The following SUCLG2 variants were observed in gnomAD, a reference collection of about 807,000 sequenced individuals.
SUCLG2 encodes the protein succinate-CoA ligase GDP-forming subunit beta, also known as succinate--CoA ligase [GDP-forming] subunit beta, mitochondrial.
Under a neutral mutation model 47.9 loss-of-function variants are expected in SUCLG2, and 42 were observed. That is an observed-to-expected ratio of 0.88 (90% CI 0.69 to 1.14). The LOEUF is 1.14. SUCLG2 is among the 50% of genes most tolerant of loss of function. The pLI is 0.00. For synonymous variants in SUCLG2, 195 were observed against 197.3 expected, an observed-to-expected ratio of 0.99 and a Z score of 0.10; for missense variants, 571 against 525.9, an observed-to-expected ratio of 1.09 and a Z score of -0.84.
chr3:67,519,429 CTTTA>C (rs1024962506), intron 5 of SUCLG2, among the ~76,000 whole-genome samples: 29 of 152,106 alleles, frequency 1.9e-4, no homozygotes, highest in African/African-American at 6.8e-4. Context: ...GTGTGCTGGT[CTTTA>C]TTTAGGAGTT....
At chr3:67,446,391 C>T (rs1248533287) in intron 9 of SUCLG2, among the ~76,000 whole-genome samples, 1 of 142,866 alleles carries the variant, frequency 7.0e-6, no homozygotes, top group Non-Finnish European at 1.5e-5. Flanking sequence ...TAGATCTCTC[C>T]GGTATCTAAA....
At chr3:67,456,417 C>G (rs994410511) in intron 9 of SUCLG2, among the ~76,000 whole-genome samples, 2 of 152,174 alleles carry the variant, frequency 1.3e-5, no homozygotes, top group African/African-American at 4.8e-5. Context: ...ACATGTTTGT[C>G]TATTCAATCC....
intron 9 of SUCLG2, among the ~76,000 whole-genome samples, chr3:67,477,013 T>C (rs1404709897): frequency 1.3e-5 from 2 of 152,138 alleles, no homozygotes; most frequent in Admixed American, 1.3e-4. Flanking sequence ...CCGTTATCTA[T>C]TACCCCCTGA....
intron 9 of SUCLG2, among the ~76,000 whole-genome samples, chr3:67,429,415 C>T (rs1242884170): frequency 6.6e-6 from 1 of 152,112 alleles, no homozygotes; most frequent in Non-Finnish European, 1.5e-5. Context: ...ATTTTGTCAC[C>T]ACCAGGCCTG....
intron 9 of SUCLG2, chr3:67,408,428 C>T (rs1702864135): frequency 5.5e-6 from 1 of 181,436 alleles, no homozygotes; most frequent in Non-Finnish European, 1.1e-5. Context: ...TAATACAAAA[C>T]AAGATTTGGG....
chr3:67,462,764 G>T (rs1214148596), intron 9 of SUCLG2, among the ~76,000 whole-genome samples: 1 of 152,214 alleles, frequency 6.6e-6, no homozygotes, highest in Non-Finnish European at 1.5e-5. Context: ...AGAAACACAG[G>T]TAAAACAACC....
chr3:67,530,941 G>A (rs1706387056), intron 2 of SUCLG2, among the ~76,000 whole-genome samples: 1 of 152,176 alleles, frequency 6.6e-6, no homozygotes, highest in African/African-American at 2.4e-5. Flanking sequence ...GTAAGAGCAA[G>A]GATATTGGAG....
At chr3:67,410,603 C>T (rs1340852284) in intron 9 of SUCLG2, among the ~76,000 whole-genome samples, 1 of 152,034 alleles carries the variant, frequency 6.6e-6, no homozygotes, top group Non-Finnish European at 1.5e-5. Flanking sequence ...ATGCAACGTT[C>T]TTTTTTGAGT....
intron 9 of SUCLG2, among the ~76,000 whole-genome samples, chr3:67,403,313 A>G (rs1702732365): frequency 1.3e-5 from 2 of 152,162 alleles, no homozygotes; most frequent in African/African-American, 4.8e-5. Context: ...CCGTGTTTGG[A>G]TCATCTTTGT....
chr3:67,414,846 G>A (rs568101151), intron 9 of SUCLG2, among the ~76,000 whole-genome samples: 139 of 152,186 alleles, frequency 9.1e-4, no homozygotes, highest in Non-Finnish European at 1.7e-3. Context: ...CAAATAATCT[G>A]AAAATTTCTA....
intron 9 of SUCLG2, among the ~76,000 whole-genome samples, chr3:67,436,336 C>A (rs1369342763): frequency 2.6e-5 from 4 of 152,098 alleles, no homozygotes; most frequent in African/African-American, 7.2e-5. Context: ...TCACAGTGAC[C>A]CATAGTGGAC....
downstream of SUCLG2, among the ~76,000 whole-genome samples, chr3:67,373,098 C>T (rs1701975135): frequency 6.6e-6 from 1 of 152,064 alleles, no homozygotes; most frequent in South Asian, 2.1e-4. Flanking sequence ...TCCTTCCCCA[C>T]TATGATATAT....
At chr3:67,574,981 A>G (rs2772454) in intron 2 of SUCLG2, among the ~76,000 whole-genome samples, 146,384 of 152,270 alleles carry the variant, frequency 0.96, 70,617 homozygotes, top group East Asian at 1. Context: ...GTTAGAAAAG[A>G]TAAATTAAAA....
chr3:67,546,788 C>T (rs1180792350), intron 2 of SUCLG2, among the ~76,000 whole-genome samples: 1 of 151,900 alleles, frequency 6.6e-6, no homozygotes, highest in Non-Finnish European at 1.5e-5. Flanking sequence ...GTAATCCCAG[C>T]TACTTGGGAG....
intron 1 of SUCLG2, among the ~76,000 whole-genome samples, chr3:67,629,773 T>C (rs78361611): frequency 6.6e-6 from 1 of 152,198 alleles, no homozygotes; most frequent in East Asian, 1.9e-4. Flanking sequence ...AAAACCCAGG[T>C]ATGGCTGAAA....
chr3:67,626,696 C>T (rs1393551266), intron 1 of SUCLG2, among the ~76,000 whole-genome samples: 1 of 152,044 alleles, frequency 6.6e-6, no homozygotes, highest in African/African-American at 2.4e-5. Context: ...GGGTGAATCA[C>T]GAGGTCAGGA....
chr3:67,468,369 C>T lies in SUCLG2; in HGVS notation c.1062+27429G>A, dbSNP rs1175106206. ...CTGCAGTGCAACTTTGCCATTCTCACATTAAGAGATGGGGTCTGTTTCTCT... is the reference window on the plus strand; with the variant it reads ...CTGCAGTGCAACTTTGCCATTCTCATATTAAGAGATGGGGTCTGTTTCTCT... On this transcript the variant is annotated intron_variant, in intron 9 of 10. Coordinates refer to ENST00000307227, the MANE Select transcript of SUCLG2 (RefSeq NM_003848.4). 3.3e-5 allele frequency among the ~76,000 whole-genome samples: 5 copies of T among 152,304 alleles called. No individual in the cohort carries two copies. The East Asian group carries it at 9.6e-4, about 29-fold the overall frequency.
chr3:67,423,987 T>C (rs1037205040), intron 9 of SUCLG2, among the ~76,000 whole-genome samples: 15 of 152,226 alleles, frequency 9.9e-5, no homozygotes, highest in Non-Finnish European at 2.1e-4. Context: ...GGATCTCATA[T>C]GTTTGGTGGA....
At chr3:67,388,797 G>A (rs750454239) in intron 10 of SUCLG2, among the ~76,000 whole-genome samples, 1 of 152,062 alleles carries the variant, frequency 6.6e-6, no homozygotes, top group Non-Finnish European at 1.5e-5. Flanking sequence ...TATAGTTATA[G>A]TAGATTTAGA....
Sources: gnomAD v4.1 joint callset for allele counts (sites outside exome capture counted in the v4.1 genomes callset) on GRCh38, gnomAD v4.1.1 for gene constraint, MANE v1.5 for transcripts, NCBI Gene and HGNC (gene_info 2026-07-23, HGNC 2026-07-21) for gene names.